Variants in GRID2 observed in about 807,000 individuals in gnomAD.
The protein encoded by GRID2 is glutamate receptor ionotropic, delta-2.
Under a neutral mutation model 114.8 loss-of-function variants are expected in GRID2, and 33 were observed. The observed-to-expected ratio is 0.29, with a 90% CI of 0.22 to 0.38. The LOEUF is 0.38. Ranked by LOEUF, GRID2 falls within the 10% of genes least tolerant of loss-of-function variation. GRID2 has a pLI of 1.00. For synonymous variants in GRID2, 505 were observed against 449.9 expected, an observed-to-expected ratio of 1.12 and a Z score of -1.55; for missense variants, 1,184 against 1,257.7, an observed-to-expected ratio of 0.94 and a Z score of 0.89.
intron 2 of GRID2, among the ~76,000 whole-genome samples, chr4:93,011,831 G>A (rs2149232576): frequency 6.6e-6 from 1 of 152,128 alleles, no homozygotes; most frequent in East Asian, 1.9e-4. Context: ...CTATCCAATA[G>A]AAAGAACAGC....
rs373183330 is a variant in GRID2 at position 93,330,822 on chromosome 4, C to A, written c.1246-64785C>A. Among the ~76,000 whole-genome samples the A allele has an allele frequency of 1.6e-3, 238 of 152,174 alleles. 1 individual carries two copies. The highest frequency in any genetic ancestry group is 5.5e-3 in the African/African-American group (230 of 41,538). ...TTTTCAAGTATATTTCTTCTCAAATCTTCTAATCTATTCCCCTTCTCTGAG... is the reference window on the plus strand; with the variant it reads ...TTTTCAAGTATATTTCTTCTCAAATATTCTAATCTATTCCCCTTCTCTGAG... On this transcript the variant is annotated intron_variant, in intron 8 of 15. Coordinates refer to ENST00000282020, the MANE Select transcript of GRID2 (RefSeq NM_001510.4).
intron 14 of GRID2, among the ~76,000 whole-genome samples, chr4:93,749,575 G>A (rs1266733115): frequency 6.6e-6 from 1 of 152,190 alleles, no homozygotes; most frequent in East Asian, 1.9e-4. Context: ...AACCGAGGCT[G>A]TTAGTCTACC....
chr4:93,766,718 C>T (rs1329431429), intron 14 of GRID2, among the ~76,000 whole-genome samples: 1 of 152,100 alleles, frequency 6.6e-6, no homozygotes, highest in African/African-American at 2.4e-5. Flanking sequence ...TACATTTTTC[C>T]TCCAAGGTAA....
chr4:92,712,876 T>C lies in GRID2; in HGVS notation c.244+122590T>C, dbSNP rs558131764. 9.2e-5 allele frequency among the ~76,000 whole-genome samples: 14 copies of C among 152,296 alleles called. No homozygotes were observed. In the South Asian group the frequency reaches 2.9e-3, roughly 32 times the overall value. On this transcript the variant is annotated intron_variant, in intron 2 of 15. Transcript: ENST00000282020. ...TAAAAATAAATGTTAATATTTGAGA[T>C]CTAGCTACTGTATGTAACTCAGGGG...
chr4:93,358,174 T>C (rs965320348), intron 8 of GRID2, among the ~76,000 whole-genome samples: 1 of 151,878 alleles, frequency 6.6e-6, no homozygotes, highest in Non-Finnish European at 1.5e-5. Context: ...GTATTCCAGA[T>C]AGGCAATTAT....
At chr4:93,330,072 G>A (rs1758267336) in intron 8 of GRID2, among the ~76,000 whole-genome samples, 1 of 151,942 alleles carries the variant, frequency 6.6e-6, no homozygotes, top group Non-Finnish European at 1.5e-5. Context: ...ATTTATTACA[G>A]GTAAAATACC....
At chr4:93,283,044 A>G (rs1242201204) in intron 8 of GRID2, among the ~76,000 whole-genome samples, 3 of 152,038 alleles carry the variant, frequency 2.0e-5, no homozygotes, top group Non-Finnish European at 2.9e-5. Context: ...CCCCATCTCC[A>G]ACATTGGGAA....
At chr4:92,822,756 G>A (rs565174293) in intron 2 of GRID2, 68 of 159,822 alleles carry the variant, frequency 4.3e-4, no homozygotes, top group Non-Finnish European at 7.2e-4. Flanking sequence ...ACCCTCCAGG[G>A]CATGCTGTGG....
chr4:92,588,905 C>G (rs1579637286), intron 1 of GRID2, among the ~76,000 whole-genome samples: 1 of 151,976 alleles, frequency 6.6e-6, no homozygotes, highest in East Asian at 1.9e-4. Flanking sequence ...GGGCTCGAGA[C>G]CAGCCTGGCC....
At chr4:93,717,635 C>A (rs1214046663) in intron 14 of GRID2, among the ~76,000 whole-genome samples, 3 of 152,064 alleles carry the variant, frequency 2.0e-5, no homozygotes, top group African/African-American at 7.2e-5. Context: ...ATATTTATAA[C>A]CATACGTTTA....
chr4:92,817,618 C>T (rs539270578), intron 2 of GRID2, among the ~76,000 whole-genome samples: 10 of 151,694 alleles, frequency 6.6e-5, no homozygotes, highest in Non-Finnish European at 1.5e-4. Flanking sequence ...ATCTGGAATG[C>T]CATTATAATA....
intron 2 of GRID2, among the ~76,000 whole-genome samples, chr4:92,714,963 A>T (rs1029043733): frequency 1.3e-5 from 2 of 152,194 alleles, no homozygotes; most frequent in African/African-American, 4.8e-5. Flanking sequence ...ACTTATGCAC[A>T]CTTCTGCAGC....
intron 1 of GRID2, among the ~76,000 whole-genome samples, chr4:92,551,763 T>C (rs1472764718): frequency 2.0e-5 from 3 of 151,974 alleles, no homozygotes; most frequent in Non-Finnish European, 4.4e-5. Flanking sequence ...GTTGCATTGG[T>C]TGGAGAGGAA....
chr4:92,557,827 C>G (rs895819475), intron 1 of GRID2, among the ~76,000 whole-genome samples: 1 of 152,010 alleles, frequency 6.6e-6, no homozygotes, highest in Non-Finnish European at 1.5e-5. Context: ...AAGGCTACAC[C>G]TAAGTAGCTG....
chr4:92,918,614 G>A (rs1749024378), intron 2 of GRID2, among the ~76,000 whole-genome samples: 1 of 152,094 alleles, frequency 6.6e-6, no homozygotes, highest in African/African-American at 2.4e-5. Flanking sequence ...ATAATCATGT[G>A]GTTTTTGTCG....
intron 1 of GRID2, among the ~76,000 whole-genome samples, chr4:92,514,038 G>A (rs765154162): frequency 4.0e-5 from 6 of 151,742 alleles, no homozygotes; most frequent in Non-Finnish European, 8.8e-5. Flanking sequence ...GGACATGGAA[G>A]GACCAACAAT....
At chr4:92,787,671 A>T (rs949822425) in intron 2 of GRID2, among the ~76,000 whole-genome samples, 2 of 151,926 alleles carry the variant, frequency 1.3e-5, no homozygotes, top group South Asian at 4.1e-4. Flanking sequence ...CCATTACAGG[A>T]TGTTGCCCAG....
chr4:93,418,130 C>T (rs903597443), intron 9 of GRID2, among the ~76,000 whole-genome samples: 1 of 151,626 alleles, frequency 6.6e-6, no homozygotes, highest in African/African-American at 2.4e-5. Context: ...ATATATCGAG[C>T]AGGAGTGAAT....
chr4:93,454,276 A>G (rs975766654), intron 10 of GRID2, among the ~76,000 whole-genome samples: 1 of 152,078 alleles, frequency 6.6e-6, no homozygotes, highest in Non-Finnish European at 1.5e-5. Context: ...AATTACCCTG[A>G]GTGCCTACTA....
Sources: gnomAD v4.1 joint callset for allele counts (sites outside exome capture counted in the v4.1 genomes callset) on GRCh38, gnomAD v4.1.1 for gene constraint, MANE v1.5 for transcripts, NCBI Gene and HGNC (gene_info 2026-07-23, HGNC 2026-07-21) for gene names.